IAPP: variants seen among roughly 807,000 people sequenced by gnomAD.
IAPP encodes islet amyloid polypeptide, also known as Islet amyloid polypeptide (diabetes-associated peptide; amylin).
Under a neutral mutation model 2.9 loss-of-function variants are expected in IAPP, and 4 were observed. That is an observed-to-expected ratio of 1.39 (90% CI 0.69 to 3.19). The LOEUF (loss-of-function observed/expected upper bound fraction) is 3.19, where lower values mean the gene tolerates loss of function less well. IAPP is among the 30% of genes most tolerant of loss of function. IAPP has a pLI of 0.01. For synonymous variants in IAPP, 40 were observed against 42.1 expected (o/e 0.95, Z 0.19); for missense variants, 114 against 105.3 (o/e 1.08, Z -0.36).
At chr12:21,363,763 A>C (rs1213929421) in intron 1 of IAPP, among the ~76,000 whole-genome samples, 1 of 152,246 alleles carries the variant, frequency 6.6e-6, no homozygotes, top group Non-Finnish European at 1.5e-5. Flanking sequence ...AGAATACTAT[A>C]AACACCTCTG....
At chr12:21,361,653 T>C (rs1442556254) in intron 1 of IAPP, among the ~76,000 whole-genome samples, 1 of 151,804 alleles carries the variant, frequency 6.6e-6, no homozygotes, top group East Asian at 1.9e-4. Context: ...GAAAAAAGAG[T>C]AGACGAATGG....
intron 2 of IAPP, 95 bp from the exon 3 acceptor site, chr12:21,378,142 T>C: frequency 8.6e-7 from 1 of 1,158,970 alleles, no homozygotes; most frequent in Admixed American, 2.1e-5. Context: ...AATTGTTTCT[T>C]TGGTTTTCAT....
intron 2 of IAPP, 78 bp from the exon 3 acceptor site, chr12:21,378,159 A>G (rs1940342979): frequency 7.7e-7 from 1 of 1,298,998 alleles, no homozygotes; most frequent in Non-Finnish European, 1.1e-6. Context: ...TCATCAATAC[A>G]AGATATTTGA....
chr12:21,370,737 A>G (rs1242867340), upstream of IAPP, among the ~76,000 whole-genome samples: 10 of 152,190 alleles, frequency 6.6e-5, no homozygotes, highest in African/African-American at 9.6e-5. Context: ...CTAAATGAAC[A>G]CTAGACCATG....
At chr12:21,372,116 G>A (rs1939842383), upstream of IAPP, among the ~76,000 whole-genome samples, 1 of 152,206 alleles carries the variant, frequency 6.6e-6, no homozygotes, top group Admixed American at 6.5e-5. Flanking sequence ...AAAGTACTGT[G>A]TGAGCTAAGC....
intron 1 of IAPP, among the ~76,000 whole-genome samples, chr12:21,362,102 C>G (rs1008058716): frequency 2.0e-5 from 3 of 152,008 alleles, no homozygotes; most frequent in African/African-American, 7.2e-5. Context: ...GTCAGATTCA[C>G]CAAAGTTGAA....
rs189106057 is a variant in IAPP at position 21,363,768 on chromosome 12, C to A, written c.-16+8755C>A. Among the ~76,000 whole-genome samples the A allele has an allele frequency of 3.8e-3, 574 of 152,290 alleles. 4 individuals carry two copies. Among genetic ancestry groups the A allele is most frequent in the African/African-American group, 0.013 (523 of 41,552 alleles). On this transcript the variant is annotated intron_variant, in intron 1 of 2. Transcript: ENST00000539393. ...CTACTATCAGAGAATACTATAAACACCTCTGTGCAAATCAGCTAGAAAATC... is the reference window on the plus strand; with the variant it reads ...CTACTATCAGAGAATACTATAAACAACTCTGTGCAAATCAGCTAGAAAATC...
intron 1 of IAPP, among the ~76,000 whole-genome samples, chr12:21,359,379 A>G (rs973985706): frequency 2.0e-5 from 3 of 151,060 alleles, no homozygotes; most frequent in Non-Finnish European, 4.4e-5. Flanking sequence ...TTGACTATTC[A>G]CTCCTTGTGT....
chr12:21,365,165 A>C (rs2137064309), intron 1 of IAPP, among the ~76,000 whole-genome samples: 1 of 152,350 alleles, frequency 6.6e-6, no homozygotes, highest in Non-Finnish European at 1.5e-5. Context: ...GGCTACAGTA[A>C]CCAAAACAGC....
rs1039112335 is a variant in IAPP at position 21,365,618 on chromosome 12, G to A, written c.-15-7719G>A. Among the ~76,000 whole-genome samples the A allele has an allele frequency of 6.6e-5, 10 of 152,184 alleles. No homozygotes were observed. The South Asian group carries it at 1.0e-3, about 16-fold the overall frequency. ...CATCAGAGTGAACAGGCAACCTACA[G>A]AATGGGAGAAAATTTTTACAATCTA... On this transcript the variant is annotated intron_variant, in intron 1 of 2. Coordinates refer to the IAPP transcript ENST00000539393.
chr12:21,375,930 G>A (rs981622940), intron 2 of IAPP, among the ~76,000 whole-genome samples: 4 of 152,120 alleles, frequency 2.6e-5, no homozygotes, highest in African/African-American at 9.7e-5. Flanking sequence ...AAACCAGGGA[G>A]GTAATGCCTT....
chr12:21,374,257 T>TAA (rs1940022979), intron 2 of IAPP: 1 of 152,532 alleles, frequency 6.6e-6, no homozygotes, highest in South Asian at 2.1e-4. Context: ...GTAATTTATT[T>TAA]AAAGGGTTAT....
At chr12:21,361,747 T>C (rs949863270) in intron 1 of IAPP, among the ~76,000 whole-genome samples, 1 of 152,134 alleles carries the variant, frequency 6.6e-6, no homozygotes, top group Non-Finnish European at 1.5e-5. Context: ...ACGTGACGCA[T>C]GTACAAGCTT....
chr12:21,361,739 G>A (rs117413714), intron 1 of IAPP, among the ~76,000 whole-genome samples: 2,574 of 152,254 alleles, frequency 0.017, 34 homozygotes, highest in Non-Finnish European at 0.024. Flanking sequence ...CAAGGACTAC[G>A]TGACGCATGT....
chr12:21,374,263 GTTA>G (rs934647074), intron 2 of IAPP: 2 of 152,376 alleles, frequency 1.3e-5, no homozygotes, highest in Non-Finnish European at 2.9e-5. Flanking sequence ...TATTTAAAGG[GTTA>G]TTAAGTTCAA....
Position 21,379,529 on chromosome 12 carries a change from A to G in IAPP, c.*1103A>G, listed in dbSNP as rs1940451613. 6.6e-6 allele frequency: 1 copy of G among 152,226 alleles called. No homozygotes were observed. Among genetic ancestry groups the G allele is most frequent in the African/African-American group, 2.4e-5 (1 of 41,466 alleles). 9.4% of individuals were successfully genotyped at this position (152,226 alleles called of 1,614,324 possible). A position where few individuals can be genotyped will look rare whatever the true frequency, so the allele number is the denominator to read the frequency against. Reference sequence around the variant, plus strand: ...TTATTTCTTTTGTTTAACAAATTAGACATTTCTGGCAGAGGTTATGTATAT... The same window carrying G: ...TTATTTCTTTTGTTTAACAAATTAGGCATTTCTGGCAGAGGTTATGTATAT... On this transcript the variant is annotated 3_prime_UTR_variant, in exon 3 of 3. Transcript: ENST00000240652.
chr12:21,373,901 A>C (rs1939990754), intron 2 of IAPP, among the ~76,000 whole-genome samples: 1 of 152,184 alleles, frequency 6.6e-6, no homozygotes, highest in African/African-American at 2.4e-5. Context: ...TGGAAATGGA[A>C]ATGTATAGAA....
At chr12:21,365,578 A>T (rs1222454026) in intron 1 of IAPP, among the ~76,000 whole-genome samples, 2 of 152,248 alleles carry the variant, frequency 1.3e-5, no homozygotes, top group Non-Finnish European at 2.9e-5. Flanking sequence ...GCTTCTGCAC[A>T]TCAAAAGAAA....
At chr12:21,363,350 G>A (rs188151136) in intron 1 of IAPP, among the ~76,000 whole-genome samples, 1 of 152,240 alleles carries the variant, frequency 6.6e-6, no homozygotes, top group Admixed American at 6.5e-5. Flanking sequence ...AAACGAATGA[G>A]AACAAAGACA....
Sources: allele counts gnomAD v4.1 joint callset (sites outside exome capture counted in the v4.1 genomes callset), GRCh38; gene constraint gnomAD v4.1.1; transcripts MANE v1.5; gene names NCBI Gene and HGNC (gene_info 2026-07-23, HGNC 2026-07-21).